Variants in SERPINB12 observed in about 807,000 individuals in gnomAD.
SERPINB12 encodes the protein serpin family B member 12, also known as serpin B12.
SERPINB12 carries 57 observed loss-of-function variants against 41.1 expected under a neutral mutation model. The ratio of observed to expected loss-of-function variants is 1.39; its 90% CI spans 1.12 to 1.73. The LOEUF is 1.73. Ranked by LOEUF, SERPINB12 falls within the 40% of genes most tolerant of loss-of-function variation. SERPINB12 has a pLI of 0.00. For missense variants in SERPINB12, 536 were observed against 501.9 expected (o/e 1.07, Z -0.65); for synonymous variants, 180 against 181.3 (o/e 0.99, Z 0.06).
chr18:63,546,908 C>T (rs1195127586), intron 1 of SERPINB12, among the ~76,000 whole-genome samples: 1 of 152,112 alleles, frequency 6.6e-6, no homozygotes, highest in African/African-American at 2.4e-5. Context: ...TGGAGGGAAG[C>T]TTACCTGACC....
chr18:63,563,464 C>T (rs1480792956), intron 5 of SERPINB12, among the ~76,000 whole-genome samples: 1 of 152,152 alleles, frequency 6.6e-6, no homozygotes, highest in African/African-American at 2.4e-5. Flanking sequence ...TGATTGGACC[C>T]CCTGCGAGGT....
At position 63,566,877 on chromosome 18, in the gene SERPINB12, G is replaced by A. The variant is rs79607526; in HGVS notation, c.1144G>A (p.Ala382Thr). The A allele has an allele frequency of 1.3e-4, 211 of 1,614,190 alleles. No individual in the cohort carries two copies. In the East Asian group the frequency reaches 4.2e-3, roughly 32 times the overall value. Residue 382 changes from alanine to threonine, a missense_variant, in exon 8 of 8, where the codon GCC becomes ACC. Ala to Thr is a moderately conservative substitution (Grantham distance 58, BLOSUM62 0). Transcript: ENST00000382768. ...TGAAAACGGTACCCAGGCAGCTGCAGCCACTGGGGCTGTTGTCTCGGAAAG... is the reference window on the plus strand; with the variant it reads ...TGAAAACGGTACCCAGGCAGCTGCAACCACTGGGGCTGTTGTCTCGGAAAG... ...VDENGTQAAA[A>T]TGAVVSERSL... is the part of the protein sequence containing the mutation.
rs200330217 is a variant in SERPINB12, at chr18:63,566,903, G to T, written c.1170G>T (p.Arg390Ser). 1 of 1,614,164 alleles carries T rather than the reference G, an allele frequency of 6.2e-7. No individual in the cohort carries two copies. Among genetic ancestry groups the T allele is most frequent in the Non-Finnish European group, 8.5e-7 (1 of 1,180,022 alleles). ...AAATGAVVSE[R>S]SLRSWVEFNA... ...CCACTGGGGCTGTTGTCTCGGAAAG[G>T]TCACTACGATCTTGGGTGGAGTTTA... Residue 390 changes from arginine (R) to serine (S), a missense_variant, in exon 8 of 8, where the codon AGG becomes AGT. By Grantham distance (110) the Arg-to-Ser change is moderately radical. Coordinates refer to ENST00000382768, the MANE Select transcript of SERPINB12 (RefSeq NM_001307928.2).
chr18:63,547,980 C>T (rs746863890), intron 1 of SERPINB12, among the ~76,000 whole-genome samples: 7 of 152,064 alleles, frequency 4.6e-5, no homozygotes, highest in South Asian at 2.1e-4. Context: ...GTGTTCTTCA[C>T]GGATGGGTAC....
At chr18:63,561,462 G>A (rs1338457219) in intron 5 of SERPINB12, among the ~76,000 whole-genome samples, 2 of 152,200 alleles carry the variant, frequency 1.3e-5, no homozygotes, top group Non-Finnish European at 2.9e-5. Flanking sequence ...ATGTAAATTA[G>A]CCATTGTGGA....
At chr18:63,566,212 G>C (rs976568600) in intron 7 of SERPINB12, among the ~76,000 whole-genome samples, 5 of 152,198 alleles carry the variant, frequency 3.3e-5, no homozygotes, top group Non-Finnish European at 7.3e-5. Flanking sequence ...AATTTGCTAT[G>C]TGCTATCACT....
At chr18:63,541,003 C>T (rs1219249806), upstream of SERPINB12, among the ~76,000 whole-genome samples, 8 of 152,094 alleles carry the variant, frequency 5.3e-5, no homozygotes, top group Admixed American at 2.0e-4. Flanking sequence ...CTTTTCTTTA[C>T]GTTTTCAGTA....
At chr18:63,534,665 G>A in the SERPINB12 span, among the ~76,000 whole-genome samples, 1 of 152,066 alleles carries the variant, frequency 6.6e-6, no homozygotes, top group African/African-American at 2.4e-5. Context: ...GGATCAAGCA[G>A]ACTCCCTGGT....
At chr18:63,565,673 CTG>C in intron 7 of SERPINB12, 61 bp downstream of exon 7, 1 of 1,446,334 alleles carries the variant, frequency 6.9e-7, no homozygotes. Flanking sequence ...GAGAACAACA[CTG>C]TCTACTATCT....
chr18:63,564,553 G>A (rs1911028639), intron 6 of SERPINB12, among the ~76,000 whole-genome samples: 2 of 152,236 alleles, frequency 1.3e-5, no homozygotes, highest in Admixed American at 1.3e-4. Flanking sequence ...TACTGGAGAT[G>A]CATTTTTCTC....
intron 4 of SERPINB12, among the ~76,000 whole-genome samples, chr18:63,560,497 A>G (rs990980850): frequency 2.6e-4 from 39 of 152,354 alleles, no homozygotes; most frequent in African/African-American, 9.1e-4. Flanking sequence ...ATAAATTCAT[A>G]TATTAAACAA....
rs1911102420 is a variant in SERPINB12, at chr18:63,566,507, G to A, written c.874-100G>A. 6 of 1,037,012 alleles carry A rather than the reference G, an allele frequency of 5.8e-6. No homozygotes were observed. The South Asian group carries it at 6.2e-5, about 11-fold the overall frequency. The allele number at this position is 1,037,012 out of a possible 1,614,324, so 64.2% of individuals were successfully genotyped here. A position where few individuals can be genotyped will look rare whatever the true frequency, so the allele number is the denominator to read the frequency against. ...AGCTTAGGGAAAGGTCTTGAAGGTT[G>A]TCACTGCCCACTGAAAGGGACTCAG... On this transcript the variant is annotated intron_variant, in intron 7 of 7. Transcript: ENST00000382768.
the SERPINB12 span, among the ~76,000 whole-genome samples, chr18:63,524,532 C>G: frequency 6.6e-6 from 1 of 151,546 alleles, no homozygotes; most frequent in East Asian, 2.0e-4. Context: ...TCAAGTGATC[C>G]ACCCGCTTCA....
At chr18:63,523,789 G>T in the SERPINB12 span, among the ~76,000 whole-genome samples, 4 of 152,142 alleles carry the variant, frequency 2.6e-5, no homozygotes, top group Admixed American at 6.5e-5. Flanking sequence ...TGATGAGAAG[G>T]TTGAAGGAGA....
the SERPINB12 span, among the ~76,000 whole-genome samples, chr18:63,530,928 T>C: frequency 6.6e-6 from 1 of 152,218 alleles, no homozygotes. Context: ...GACCAGCTAC[T>C]AAGTGCCAGG....
At chr18:63,541,387 GT>G (rs2144311295), upstream of SERPINB12, among the ~76,000 whole-genome samples, 1 of 152,246 alleles carries the variant, frequency 6.6e-6, no homozygotes, top group South Asian at 2.1e-4. Context: ...TGCAGGATGG[GT>G]TTTTGTAGAT....
chr18:63,527,258 A>C, the SERPINB12 span, among the ~76,000 whole-genome samples: 2 of 152,224 alleles, frequency 1.3e-5, no homozygotes, highest in African/African-American at 2.4e-5. Flanking sequence ...ATTTTATGGC[A>C]GACCAAGTAA....
At chr18:63,542,257 C>A (rs1441902329), upstream of SERPINB12, among the ~76,000 whole-genome samples, 2 of 152,168 alleles carry the variant, frequency 1.3e-5, no homozygotes, top group Non-Finnish European at 2.9e-5. Context: ...ATCACTTTAA[C>A]TTAAAATTCA....
At chr18:63,563,360 T>C (rs73468566) in intron 5 of SERPINB12, among the ~76,000 whole-genome samples, 2,313 of 152,270 alleles carry the variant, frequency 0.015, 66 homozygotes, top group African/African-American at 0.053. Context: ...ACTATATAAT[T>C]TGAAAGATAA....
Sources: gnomAD v4.1 joint callset for allele counts (sites outside exome capture counted in the v4.1 genomes callset) on GRCh38, gnomAD v4.1.1 for gene constraint, MANE v1.5 for transcripts, NCBI Gene and HGNC (gene_info 2026-07-23, HGNC 2026-07-21) for gene names.